Variants in XRN1 observed in about 807,000 individuals in gnomAD.
The protein encoded by XRN1 is 5'-3' exoribonuclease 1.
Under a neutral mutation model 222.3 loss-of-function variants are expected in XRN1, and 67 were observed. That is an observed-to-expected ratio of 0.30 (90% CI 0.25 to 0.37). The LOEUF (loss-of-function observed/expected upper bound fraction) is 0.37. Among genes scored for constraint, XRN1 ranks in the 10% least tolerant of loss-of-function variants. The probability of loss-of-function intolerance (pLI) is 1.00; values close to 1 mark genes in which losing one functional copy is unlikely to be tolerated. For synonymous variants in XRN1, 643 were observed against 652.4 expected, an observed-to-expected ratio of 0.99 and a Z score of 0.22; for missense variants, 1,707 against 2,000.2, an observed-to-expected ratio of 0.85 and a Z score of 2.80.
intron 37 of XRN1, among the ~76,000 whole-genome samples, chr3:142,320,117 T>C (rs73238136): frequency 0.13 from 19,267 of 152,246 alleles, 1,236 homozygotes; most frequent in Non-Finnish European, 0.14. Context: ...GATTAAATCA[T>C]AGTTCTATTT....
chr3:142,407,489 T>C (rs369080494), intron 15 of XRN1, among the ~76,000 whole-genome samples: 6 of 152,174 alleles, frequency 3.9e-5, no homozygotes, highest in African/African-American at 1.4e-4. Context: ...ACCACCAACC[T>C]GGCTAATTTT....
chr3:142,401,765 T>C (rs1195360461), intron 18 of XRN1, among the ~76,000 whole-genome samples: 1 of 152,070 alleles, frequency 6.6e-6, no homozygotes, highest in African/African-American at 2.4e-5. Flanking sequence ...ACTTGCTACC[T>C]TTACTTCCCG....
At position 142,422,815 on chromosome 3, in the gene XRN1, A is replaced by G. The variant is rs2069094662; in HGVS notation, c.798+20T>C. Reference sequence around the variant, plus strand: ...TTTCTGCAATGGAAATCCTTGGTCCATGGCTTTATTAATACTTACTTTTAA... The same window carrying G: ...TTTCTGCAATGGAAATCCTTGGTCCGTGGCTTTATTAATACTTACTTTTAA... On this transcript the variant is annotated intron_variant, in intron 7 of 40. Transcript: ENST00000392981. The G allele has an allele frequency of 1.9e-6, 3 of 1,605,306 alleles. No homozygotes were observed. Among genetic ancestry groups the G allele is most frequent in the Non-Finnish European group, 2.6e-6 (3 of 1,174,694 alleles).
chr3:142,337,922 G>C (rs897372854), intron 33 of XRN1, among the ~76,000 whole-genome samples: 1 of 152,142 alleles, frequency 6.6e-6, no homozygotes, highest in African/African-American at 2.4e-5. Flanking sequence ...GTTAACCAAA[G>C]GCTTGCAGCA....
chr3:142,355,253 T>TAAA, intron 32 of XRN1, 148 bp downstream of exon 32: 55 of 406,918 alleles, frequency 1.4e-4, no homozygotes, highest in South Asian at 2.5e-4. Context: ...TGAAATTATT[T>TAAA]AAAAAAAGAA....
chr3:142,321,396 CA>C (rs2065351931), intron 37 of XRN1, among the ~76,000 whole-genome samples: 1 of 152,164 alleles, frequency 6.6e-6, no homozygotes, highest in Non-Finnish European at 1.5e-5. Context: ...GCTGGGATTA[CA>C]GGCATGAGCC....
rs1041330301 is a variant in XRN1 at position 142,309,789 on chromosome 3, T to C, written c.*1722A>G. On this transcript the variant is annotated 3_prime_UTR_variant, in exon 41 of 41. Coordinates refer to ENST00000392981, the MANE Select transcript of XRN1 (RefSeq NM_001282857.2). The stretch of plus-strand genomic sequence containing the variant: ...AGGTGAAACATTTCACACTTTAAAG[T>C]AGGAAGAGGTTAATATAACATTACT... 1.3e-5 allele frequency: 2 copies of C among 152,176 alleles called. No homozygotes were observed. Among genetic ancestry groups the C allele is most frequent in the East Asian group, 1.9e-4 (1 of 5,206 alleles). 9.4% of individuals were successfully genotyped at this position (152,176 alleles called of 1,614,324 possible).
At chr3:142,388,791 A>G (rs2067605200) in intron 20 of XRN1, among the ~76,000 whole-genome samples, 1 of 152,234 alleles carries the variant, frequency 6.6e-6, no homozygotes, top group Non-Finnish European at 1.5e-5. Flanking sequence ...AAAGTCTGCC[A>G]CTGCTTTTCA....
intron 20 of XRN1, among the ~76,000 whole-genome samples, chr3:142,385,373 C>T (rs1311804999): frequency 1.3e-5 from 2 of 152,094 alleles, no homozygotes; most frequent in Admixed American, 6.5e-5. Flanking sequence ...ATACAAAAGG[C>T]CATATATCAT....
intron 12 of XRN1, chr3:142,417,778 A>G (rs2068841600): frequency 6.6e-6 from 1 of 152,262 alleles, no homozygotes; most frequent in South Asian, 2.1e-4. Context: ...TCATCAAAAC[A>G]AAACAAAACA....
At chr3:142,324,025 G>C (rs2065439872) in intron 37 of XRN1, among the ~76,000 whole-genome samples, 1 of 151,192 alleles carries the variant, frequency 6.6e-6, no homozygotes, top group African/African-American at 2.4e-5. Flanking sequence ...GCTGTGTTAG[G>C]AACATTTCAA....
intron 9 of XRN1, 93 bp from the exon 10 acceptor site, chr3:142,421,246 T>G (rs2069020393): frequency 2.4e-6 from 3 of 1,235,024 alleles, no homozygotes; most frequent in Non-Finnish European, 3.2e-6. Context: ...TACTGGGGTA[T>G]AGGAAATTGG....
intron 37 of XRN1, among the ~76,000 whole-genome samples, chr3:142,319,231 A>G (rs1284495230): frequency 6.6e-6 from 1 of 152,206 alleles, no homozygotes; most frequent in East Asian, 1.9e-4. Flanking sequence ...ACATGGCCAC[A>G]TCCATTCTAA....
At chr3:142,369,911 G>C (rs2107883991) in intron 27 of XRN1, among the ~76,000 whole-genome samples, 1 of 151,826 alleles carries the variant, frequency 6.6e-6, no homozygotes, top group South Asian at 2.1e-4. Flanking sequence ...GCTGGGTATG[G>C]TGGCAGGCGC....
At position 142,432,862 on chromosome 3, in the gene XRN1, A is replaced by G; in HGVS notation, c.107T>C (p.Met36Thr). 6.2e-7 allele frequency: 1 copy of G among 1,611,868 alleles called. No homozygotes were observed. Among genetic ancestry groups the G allele is most frequent in the Non-Finnish European group, 8.5e-7 (1 of 1,178,798 alleles). ...GGAGCACTGATGTATAATTCCATTC[A>G]TATCCAGGTACAAGTTGTCAAATTC... ...IPEFDNLYLD[M>T]NGIIHQCSHP... The change falls in exon 2 of 41, where the codon ATG becomes ACG. Residue 36 changes from methionine to threonine, a missense_variant. Transcript: ENST00000392981.
chr3:142,321,600 G>A (rs552971163), intron 37 of XRN1, among the ~76,000 whole-genome samples: 7 of 152,276 alleles, frequency 4.6e-5, no homozygotes, highest in East Asian at 3.9e-4. Flanking sequence ...TCCAATCCAC[G>A]AACAGAGTGT....
At chr3:142,334,645 G>A (rs2065795607) in intron 34 of XRN1, among the ~76,000 whole-genome samples, 1 of 149,538 alleles carries the variant, frequency 6.7e-6, no homozygotes, top group African/African-American at 2.5e-5. Context: ...ATATTTCTAT[G>A]TATATATATA....
At chr3:142,347,600 ACTT>A (rs1356538486) in intron 32 of XRN1, among the ~76,000 whole-genome samples, 1 of 151,390 alleles carries the variant, frequency 6.6e-6, no homozygotes, top group East Asian at 1.9e-4. Context: ...TAAAAATGCT[ACTT>A]TTTTTTTTTT....
At chr3:142,362,287 A>G (rs971260950) in intron 29 of XRN1, among the ~76,000 whole-genome samples, 1 of 151,790 alleles carries the variant, frequency 6.6e-6, no homozygotes, top group Non-Finnish European at 1.5e-5. Flanking sequence ...ACAGGCATGC[A>G]CCACCATGCC....
Sources: allele counts gnomAD v4.1 joint callset (sites outside exome capture counted in the v4.1 genomes callset), GRCh38; gene constraint gnomAD v4.1.1; transcripts MANE v1.5; gene names NCBI Gene and HGNC (gene_info 2026-07-23, HGNC 2026-07-21).